Variants in DHRS2 observed in about 807,000 individuals in gnomAD.
The protein encoded by DHRS2 is dehydrogenase/reductase 2, also known as dehydrogenase/reductase SDR family member 2, mitochondrial.
DHRS2 carries 29 observed loss-of-function variants against 26.3 expected under a neutral mutation model. That is an observed-to-expected ratio of 1.10 (90% confidence interval 0.82 to 1.50). The LOEUF is 1.50. Among genes scored for constraint, DHRS2 ranks in the 40% most tolerant of loss-of-function variants. DHRS2 has a pLI of 0.00. For synonymous variants in DHRS2, 164 were observed against 151.3 expected (o/e 1.08, Z -0.62); for missense variants, 439 against 367.1 (o/e 1.20, Z -1.60).
At chr14:23,639,684 T>C in intron 3 of DHRS2, 110 bp from the exon 4 acceptor site, 1 of 1,234,510 alleles carries the variant, frequency 8.1e-7, no homozygotes, top group Non-Finnish European at 1.1e-6. Context: ...TAGGTCATTT[T>C]CCTTTAGGAG....
At chr14:23,641,572 T>C in intron 4 of DHRS2, 2 of 1,277,052 alleles carry the variant, frequency 1.6e-6, no homozygotes. Context: ...CTGATGCACA[T>C]GGAGTATTGG....
chr14:23,638,943 G>C lies in DHRS2; in HGVS notation c.79G>C (p.Gly27Arg). 6.2e-7 allele frequency: 1 copy of C among 1,614,170 alleles called. No individual in the cohort carries two copies. Among genetic ancestry groups the C allele is most frequent in the Non-Finnish European group, 8.5e-7 (1 of 1,180,032 alleles). ...GCTTTCTGTGAGGATGAGCAGCACCGGGATAGACAGGAAGGGCGTCCTGGC... is the reference window on the plus strand; with the variant it reads ...GCTTTCTGTGAGGATGAGCAGCACCCGGATAGACAGGAAGGGCGTCCTGGC... ...ARLSVRMSST[G>R]IDRKGVLANR... Residue 27 changes from glycine (G) to arginine (R), a missense_variant, in exon 2 of 9, where the codon GGG becomes CGG. Coordinates refer to ENST00000250383, the MANE Select transcript of DHRS2 (RefSeq NM_005794.4).
rs563987802 is a variant in DHRS2 at position 23,631,293 on chromosome 14, C to G, written c.-39+1058C>G. ...TAAGATCTCCATTTTACTGTTAATGCTGGTCAGTCATGCCTGAACTCAAAA... is the reference window on the plus strand; with the variant it reads ...TAAGATCTCCATTTTACTGTTAATGGTGGTCAGTCATGCCTGAACTCAAAA... On this transcript the variant is annotated intron_variant, in intron 1 of 6. Coordinates refer to the DHRS2 transcript ENST00000432832. Among the ~76,000 whole-genome samples the G allele has an allele frequency of 3.3e-5, 5 of 152,140 alleles. No individual in the cohort carries two copies. In the South Asian group the frequency reaches 1.0e-3, roughly 32 times the overall value.
rs150774298 is a variant in DHRS2 at position 23,640,455 on chromosome 14, T to C, written c.420+560T>C. ...CTGTAAGTCCATTCAAGGATTCTGC[T>C]ACCTTGTCCACAAGGGACCGGGAGA... On this transcript the variant is annotated intron_variant, in intron 4 of 8. Coordinates refer to ENST00000250383, the MANE Select transcript of DHRS2 (RefSeq NM_005794.4). 6.5e-4 allele frequency: 640 copies of C among 985,244 alleles called. 3 individuals are homozygous for C. In the African/African-American group the frequency reaches 0.011, roughly 16 times the overall value. 61.0% of individuals were successfully genotyped at this position (985,244 alleles called of 1,614,324 possible).
chr14:23,645,317 G>C lies in DHRS2; in HGVS notation c.*64G>C. 6.2e-7 allele frequency: 1 copy of C among 1,609,552 alleles called. No homozygotes were observed. Among genetic ancestry groups the C allele is most frequent in the Non-Finnish European group, 8.5e-7 (1 of 1,178,856 alleles). ...CAGGAGCCTGAGGGGGTGTCTAGGTGATCATTTGGATCTGGAGGCAGAGTC... is the reference window on the plus strand; with the variant it reads ...CAGGAGCCTGAGGGGGTGTCTAGGTCATCATTTGGATCTGGAGGCAGAGTC... On this transcript the variant is annotated 3_prime_UTR_variant, in exon 9 of 9. Transcript: ENST00000250383.
At position 23,639,203 on chromosome 14, in the gene DHRS2, T is replaced by A; in HGVS notation, c.165T>A (p.Arg55=). Residue 55 remains arginine (R), a synonymous_variant, in exon 3 of 9, where the codon CGT becomes CGA. Transcript: ENST00000250383. ...TSGIGFAIAR[R]LARDGAHVVI... is the part of the protein sequence containing the mutation. Reference sequence around the variant, plus strand: ...GGATCGGCTTTGCCATCGCCCGACGTCTGGCCCGGGACGGGGCCCACGTGG... The same window carrying A: ...GGATCGGCTTTGCCATCGCCCGACGACTGGCCCGGGACGGGGCCCACGTGG... The A allele has an allele frequency of 6.2e-7, 1 of 1,613,868 alleles. No individual in the cohort carries two copies. Among genetic ancestry groups the A allele is most frequent in the Non-Finnish European group, 8.5e-7 (1 of 1,179,940 alleles).
In DHRS2 at chr14:23,638,951, C is replaced by A; in HGVS notation, c.87C>A (p.Asp29Glu). ...TGAGGATGAGCAGCACCGGGATAGACAGGAAGGGCGTCCTGGCTAACCGGG... is the reference window on the plus strand; with the variant it reads ...TGAGGATGAGCAGCACCGGGATAGAAAGGAAGGGCGTCCTGGCTAACCGGG... ...LSVRMSSTGI[D>E]RKGVLANRVA... is the part of the protein sequence containing the mutation. The change falls in exon 2 of 9, where the codon GAC (aspartate) becomes GAA (glutamate). Residue 29 changes from aspartate (D) to glutamate (E), a missense_variant. Coordinates refer to ENST00000250383, the MANE Select transcript of DHRS2 (RefSeq NM_005794.4). 1.2e-6 allele frequency: 2 copies of A among 1,614,106 alleles called. No individual in the cohort carries two copies. The highest frequency in any genetic ancestry group is 1.7e-6 in the Non-Finnish European group (2 of 1,180,042).
Position 23,644,132 on chromosome 14 carries a change from C to G in DHRS2, c.510C>G (p.Val170=). 1.9e-6 allele frequency: 3 copies of G among 1,614,168 alleles called. No homozygotes were observed. The highest frequency in any genetic ancestry group is 2.5e-6 in the Non-Finnish European group (3 of 1,180,020). The part of the protein sequence containing the change: ...MENRRGAVIL[V]SSIAAYNPVV... Reference sequence around the variant, plus strand: ...TCAGGAGGGGTGCTGTCATCCTGGTCTCTTCCATTGCAGCTTATAATCCAG... The same window carrying G: ...TCAGGAGGGGTGCTGTCATCCTGGTGTCTTCCATTGCAGCTTATAATCCAG... Residue 170 remains valine (V), a synonymous_variant, in exon 6 of 9, where the codon GTC becomes GTG. Coordinates refer to ENST00000250383, the MANE Select transcript of DHRS2 (RefSeq NM_005794.4).
rs902871296 is a variant in DHRS2, at chr14:23,639,248, G to A, written c.210G>A (p.Gln70=). 2 of 1,613,752 alleles carry A rather than the reference G, an allele frequency of 1.2e-6. No individual in the cohort carries two copies. The highest frequency in any genetic ancestry group is 1.7e-6 in the Non-Finnish European group (2 of 1,179,848). Residue 70 remains glutamine, a synonymous_variant, in exon 3 of 9, where the codon CAG becomes CAA. Transcript: ENST00000250383. ...GAHVVISSRK[Q]QNVDRAMAKL... ...ACGTGGTCATCAGCAGCCGGAAGCA[G>A]CAGAACGTGGACCGGGCCATGGCCA...
At chr14:23,642,619 T>G (rs1170207181) in intron 4 of DHRS2, 1 of 153,798 alleles carries the variant, frequency 6.5e-6, no homozygotes, top group Non-Finnish European at 1.4e-5. Flanking sequence ...CAGGCTGGAG[T>G]GCAGTGGCAT....
At chr14:23,641,888 T>A in intron 4 of DHRS2, 1 of 1,214,156 alleles carries the variant, frequency 8.2e-7, no homozygotes, top group East Asian at 5.7e-5. Context: ...TCCCTAGAGA[T>A]GCAGGATGCA....
chr14:23,639,002 TG>T lies in DHRS2; in HGVS notation c.140+1del, dbSNP rs565401225. On this transcript the variant is annotated frameshift_variant and splice_region_variant, in exon 2 of 9. Coordinates refer to ENST00000250383, the MANE Select transcript of DHRS2 (RefSeq NM_005794.4). LOFTEE classifies it high-confidence loss of function. ...TAGCCGTGGTCACGGGGTCCACCAG[TG>T]GGTGAGTGCTGGATTGCCCATGGGT... Reference protein sequence around the residue: ...RVAVVTGSTSGIGFAIARRLA... With the variant: ...RVAVVTGSTSXIGFAIARRLA... The T allele has an allele frequency of 1.8e-5, 29 of 1,612,830 alleles. No individual in the cohort carries two copies. The East Asian group carries it at 6.2e-4, about 35-fold the overall frequency.
At chr14:23,635,680 CTCCACA>C (rs1443819580), upstream of DHRS2, among the ~76,000 whole-genome samples, 1 of 152,264 alleles carries the variant, frequency 6.6e-6, no homozygotes, top group Non-Finnish European at 1.5e-5. Flanking sequence ...CCTCCTCGTC[CTCCACA>C]TCCACTCTGG....
rs759395931 is a variant in DHRS2, at chr14:23,639,312, T to A, written c.274T>A (p.Cys92Ser). ...GEGLSVAGIVCHVGKAEDREQ... is the reference protein window; with the variant it reads ...GEGLSVAGIVSHVGKAEDREQ... ...GGGGCTGAGTGTGGCGGGCATTGTG[T>A]GCCACGTGGGGAAGGCTGAGGACCG... Residue 92 changes from cysteine (C) to serine (S), a missense_variant, in exon 3 of 9, where the codon TGC becomes AGC. Transcript: ENST00000250383. 32 of 1,591,594 alleles carry A rather than the reference T, an allele frequency of 2.0e-5. No individual in the cohort carries two copies. The Admixed American group carries it at 5.7e-4, about 28-fold the overall frequency.
Position 23,644,827 on chromosome 14 carries a change from T to C in DHRS2, c.676T>C (p.Phe226Leu). Residue 226 changes from phenylalanine (F) to leucine (L), a missense_variant and splice_region_variant, in exon 8 of 9, where the codon TTT (phenylalanine) becomes CTT (leucine). Transcript: ENST00000250383. ...TCCTTCATTTCTTCCCTTTGCCCAG[T>C]TTCATGGGAATGAGTCTCTCTGGAA... ...GIIKTDFSKV[F>L]HGNESLWKNF... The C allele has an allele frequency of 6.2e-7, 1 of 1,614,198 alleles. No homozygotes were observed. Among genetic ancestry groups the C allele is most frequent in the Non-Finnish European group, 8.5e-7 (1 of 1,180,016 alleles).
chr14:23,639,011 G>A lies in DHRS2; in HGVS notation c.140+7G>A. On this transcript the variant is annotated splice_region_variant and intron_variant, in intron 2 of 8. Coordinates refer to ENST00000250383, the MANE Select transcript of DHRS2 (RefSeq NM_005794.4). Reference sequence around the variant, plus strand: ...TCACGGGGTCCACCAGTGGGTGAGTGCTGGATTGCCCATGGGTCCTGGCCC... The same window carrying A: ...TCACGGGGTCCACCAGTGGGTGAGTACTGGATTGCCCATGGGTCCTGGCCC... The A allele has an allele frequency of 6.2e-7, 1 of 1,612,396 alleles. No individual in the cohort carries two copies. The highest frequency in any genetic ancestry group is 2.2e-5 in the East Asian group (1 of 44,884).
At position 23,644,420 on chromosome 14, in the gene DHRS2, C is replaced by T; in HGVS notation, c.552C>T (p.Val184=). ...AATTCCCTTCCCAGGCGCTGGGTGT[C>T]TACAATGTCAGCAAGACAGCGCTGC... ...AAYNPVVALG[V]YNVSKTALLG... Residue 184 remains valine (V), a synonymous_variant, in exon 7 of 9, where the codon GTC becomes GTT. Transcript: ENST00000250383. The T allele has an allele frequency of 6.2e-7, 1 of 1,614,162 alleles. No homozygotes were observed. The highest frequency in any genetic ancestry group is 8.5e-7 in the Non-Finnish European group (1 of 1,180,044).
At chr14:23,640,194 C>G in intron 4 of DHRS2, 1 of 955,740 alleles carries the variant, frequency 1.0e-6, no homozygotes, top group Non-Finnish European at 1.3e-6. Context: ...CTATTCCAGG[C>G]TCTAGGGATA....
upstream of DHRS2, among the ~76,000 whole-genome samples, chr14:23,634,059 C>CTTTT (rs58045171): frequency 2.3e-3 from 187 of 82,486 alleles, 22 homozygotes; most frequent in East Asian, 0.012. Context: ...TTTGCCCCTT[C>CTTTT]TTTTTTTTTT....
Sources: gnomAD v4.1 joint callset for allele counts (sites outside exome capture counted in the v4.1 genomes callset) on GRCh38, gnomAD v4.1.1 for gene constraint, MANE v1.5 for transcripts, NCBI Gene and HGNC (gene_info 2026-07-23, HGNC 2026-07-21) for gene names.